The following CLOCK variants were observed in gnomAD, a reference collection of about 807,000 sequenced individuals.
CLOCK encodes circadian locomoter output cycles protein kaput.
CLOCK carries 43 observed loss-of-function variants against 118.4 expected under a neutral mutation model. The ratio of observed to expected loss-of-function variants is 0.36; its 90% confidence interval spans 0.28 to 0.47. The LOEUF (loss-of-function observed/expected upper bound fraction) is 0.47, where lower values mean the gene tolerates loss of function less well. CLOCK is among the 20% of genes least tolerant of loss of function. The pLI is 1.00. For synonymous variants in CLOCK, 326 were observed against 339.2 expected (o/e 0.96, Z 0.43); for missense variants, 846 against 999.9 (o/e 0.85, Z 2.08).
chr4:55,490,983 A>G (rs1727635114), intron 2 of CLOCK, among the ~76,000 whole-genome samples: 2 of 152,162 alleles, frequency 1.3e-5, no homozygotes, highest in Admixed American at 6.6e-5. Context: ...GAATTATACT[A>G]AATATCTTCT....
At chr4:55,543,085 T>A (rs1731388246) in intron 1 of CLOCK, among the ~76,000 whole-genome samples, 1 of 152,134 alleles carries the variant, frequency 6.6e-6, no homozygotes, top group African/African-American at 2.4e-5. Context: ...GCTAATTTTT[T>A]TTAAAAAAAT....
intron 1 of CLOCK, among the ~76,000 whole-genome samples, chr4:55,510,880 CAAAG>C (rs995771302): frequency 5.9e-5 from 9 of 151,980 alleles, no homozygotes; most frequent in African/African-American, 9.7e-5. Context: ...ACAAGATGGG[CAAAG>C]AAAGAAAGCA....
chr4:55,510,580 T>C (rs1173664890), intron 1 of CLOCK, among the ~76,000 whole-genome samples: 1 of 146,612 alleles, frequency 6.8e-6, no homozygotes, highest in Non-Finnish European at 1.5e-5. Flanking sequence ...TGAGCCGAGA[T>C]TGCGCCACTG....
chr4:55,435,855 G>C (rs909625422), intron 22 of CLOCK, among the ~76,000 whole-genome samples: 1 of 152,162 alleles, frequency 6.6e-6, no homozygotes, highest in African/African-American at 2.4e-5. Context: ...TCTATATCTT[G>C]AGCCAAATCA....
intron 7 of CLOCK, among the ~76,000 whole-genome samples, chr4:55,473,482 A>G (rs1284261260): frequency 6.6e-6 from 1 of 152,146 alleles, no homozygotes; most frequent in African/African-American, 2.4e-5. Context: ...TGCTGAATAC[A>G]TAAAGAATTA....
At chr4:55,484,079 T>C (rs1285901107) in intron 3 of CLOCK, among the ~76,000 whole-genome samples, 10 of 152,220 alleles carry the variant, frequency 6.6e-5, no homozygotes, top group Admixed American at 4.6e-4. Context: ...ATTCAGTCAC[T>C]GTTTTCAAAT....
At chr4:55,537,409 A>C (rs935711068) in intron 1 of CLOCK, among the ~76,000 whole-genome samples, 1 of 152,130 alleles carries the variant, frequency 6.6e-6, no homozygotes, top group African/African-American at 2.4e-5. Context: ...GCCTGAGCTC[A>C]GGAGTTGACG....
chr4:55,433,857 A>G lies in CLOCK; in HGVS notation c.*1558T>C, dbSNP rs1055700105. 2.0e-5 allele frequency: 3 copies of G among 152,210 alleles called. No individual in the cohort carries two copies. The highest frequency in any genetic ancestry group is 4.4e-5 in the Non-Finnish European group (3 of 68,024). 9.4% of individuals were successfully genotyped at this position (152,210 alleles called of 1,614,324 possible). ...GTTACAATATTCTAATGTTGTAGTG[A>G]AGGCATAGCCAAATCCCTACCCCTT... On this transcript the variant is annotated 3_prime_UTR_variant, in exon 23 of 23. Transcript: ENST00000513440.
At chr4:55,442,270 A>G in intron 21 of CLOCK, 162 bp downstream of exon 21, 1 of 682,182 alleles carries the variant, frequency 1.5e-6, no homozygotes, top group Non-Finnish European at 2.5e-6. Context: ...AAGTCTTTAA[A>G]CAATGAATAC....
rs1282473263 is a variant in CLOCK at position 55,430,615 on chromosome 4, T to A, written c.*4800A>T. ...AAAGTATTCTTTTTCTCAGTCCTTT[T>A]TGTGCAAAAATATTACAAGAGCAAT... On this transcript the variant is annotated 3_prime_UTR_variant, in exon 23 of 23. Coordinates refer to ENST00000513440, the MANE Select transcript of CLOCK (RefSeq NM_004898.4). The A allele has an allele frequency of 6.6e-6, 1 of 152,158 alleles. No homozygotes were observed. Among genetic ancestry groups the A allele is most frequent in the Non-Finnish European group, 1.5e-5 (1 of 68,026 alleles). The allele number at this position is 152,158 out of a possible 1,614,324, so 9.4% of individuals were successfully genotyped here.
rs1405122227 is a variant in CLOCK at position 55,429,934 on chromosome 4, T to A, written c.*5481A>T. The stretch of plus-strand genomic sequence containing the variant: ...TTCAGACTGTCCGTAAAGATTATCA[T>A]GAGAGTTGGTGACTGCACCCCAAAT... On this transcript the variant is annotated 3_prime_UTR_variant, in exon 23 of 23. Coordinates refer to ENST00000513440, the MANE Select transcript of CLOCK (RefSeq NM_004898.4). The A allele has an allele frequency of 6.6e-6, 1 of 152,194 alleles. No individual in the cohort carries two copies. The highest frequency in any genetic ancestry group is 2.4e-5 in the African/African-American group (1 of 41,432). 9.4% of individuals were successfully genotyped at this position (152,194 alleles called of 1,614,324 possible).
At chr4:55,462,271 T>A (rs541145947) in intron 9 of CLOCK, among the ~76,000 whole-genome samples, 76 of 152,334 alleles carry the variant, frequency 5.0e-4, no homozygotes, top group African/African-American at 1.7e-3. Flanking sequence ...CCTATTGCTA[T>A]CTCCAAAGGG....
chr4:55,501,424 CT>C (rs202012341), intron 2 of CLOCK, among the ~76,000 whole-genome samples: 2 of 150,608 alleles, frequency 1.3e-5, no homozygotes, highest in Non-Finnish European at 1.5e-5. Context: ...AAATTTCTGT[CT>C]TTTTTTTTAA....
chr4:55,464,638 G>C lies in CLOCK; in HGVS notation c.439-833C>G, dbSNP rs1725606918. 1.3e-5 allele frequency among the ~76,000 whole-genome samples: 2 copies of C among 152,190 alleles called. 1 individual carries two copies. The highest frequency in any genetic ancestry group is 4.1e-4 in the South Asian group (2 of 4,820). On this transcript the variant is annotated intron_variant, in intron 8 of 22. Transcript: ENST00000513440. ...AAAAGGAGCTGAGAAGCAGGGCCCA[G>C]GGTCCTGCCCCTGCATTAAACTAAA...
chr4:55,489,214 CG>C (rs1201206736), intron 3 of CLOCK, among the ~76,000 whole-genome samples, 159 bp downstream of exon 3: 1 of 152,152 alleles, frequency 6.6e-6, no homozygotes, highest in African/African-American at 2.4e-5. Context: ...AAGTAATTAT[CG>C]GAACATAGCT....
chr4:55,475,936 A>T (rs752359915), intron 7 of CLOCK, 27 bp downstream of exon 7: 2 of 1,518,404 alleles, frequency 1.3e-6, no homozygotes, highest in East Asian at 4.5e-5. Flanking sequence ...GGAAAATAAA[A>T]CTTTCAAAAA....
intron 15 of CLOCK, among the ~76,000 whole-genome samples, 158 bp from the exon 16 acceptor site, chr4:55,450,390 G>A (rs139113472): frequency 6.6e-6 from 1 of 152,304 alleles, no homozygotes. Flanking sequence ...AAATTTATGT[G>A]TTATAGCCAG....
At chr4:55,518,158 T>C (rs1299357890) in intron 1 of CLOCK, among the ~76,000 whole-genome samples, 1 of 152,160 alleles carries the variant, frequency 6.6e-6, no homozygotes, top group Non-Finnish European at 1.5e-5. Context: ...GCAAAAATTA[T>C]AAGCTGACAC....
intron 18 of CLOCK, among the ~76,000 whole-genome samples, chr4:55,448,067 G>C (rs138464603): frequency 3.3e-5 from 5 of 152,244 alleles, no homozygotes; most frequent in Non-Finnish European, 5.9e-5. Context: ...CTCCTAGAAA[G>C]TTTTCCTTCA....
Sources: allele counts gnomAD v4.1 joint callset (sites outside exome capture counted in the v4.1 genomes callset), GRCh38; gene constraint gnomAD v4.1.1; transcripts MANE v1.5; gene names NCBI Gene and HGNC (gene_info 2026-07-23, HGNC 2026-07-21).